The following PCDHA2 variants were observed in gnomAD, a reference collection of about 807,000 sequenced individuals.
PCDHA2 encodes protocadherin alpha 2, also known as protocadherin alpha-2.
In PCDHA2, 58 loss-of-function variants were observed where a neutral mutation model predicts 66.0. The observed-to-expected ratio is 0.88, with a 90% confidence interval of 0.71 to 1.09. The LOEUF is 1.09. Among genes scored for constraint, PCDHA2 ranks in the 50% least tolerant of loss-of-function variants. The pLI, the probability that PCDHA2 is intolerant of heterozygous loss-of-function variation, is 0.00. For missense variants in PCDHA2, 1,267 were observed against 1,242.3 expected (o/e 1.02, Z -0.30); for synonymous variants, 634 against 554.0 (o/e 1.14, Z -2.03).
At chr5:140,840,004 G>A (rs1554137669) in intron 1 of PCDHA2, among the ~76,000 whole-genome samples, 1 of 152,062 alleles carries the variant, frequency 6.6e-6, no homozygotes, top group Non-Finnish European at 1.5e-5. Flanking sequence ...TTAGCACTGA[G>A]AAGATTGGCT....
chr5:140,835,549 T>G (rs2150237980), intron 1 of PCDHA2: 1 of 1,613,976 alleles, frequency 6.2e-7, no homozygotes, highest in Non-Finnish European at 8.5e-7. Flanking sequence ...ACCTGCTCCC[T>G]GACGCCCCGC....
rs782465720 is a variant in PCDHA2 at position 140,796,648 on chromosome 5, G to A, written c.1684G>A (p.Ala562Thr). 2.5e-6 allele frequency: 4 copies of A among 1,613,822 alleles called. No homozygotes were observed. The highest frequency in any genetic ancestry group is 2.7e-5 in the African/African-American group (2 of 75,056). ...QVFVLDENDN[A>T]PALLAPRAGT... ...GTTCGTGCTGGACGAGAACGACAAC[G>A]CGCCGGCACTGTTGGCGCCTAGGGC... Residue 562 changes from alanine (A) to threonine (T), a missense_variant, in exon 1 of 4, where the codon GCG becomes ACG. Coordinates refer to ENST00000526136, the MANE Select transcript of PCDHA2 (RefSeq NM_018905.3).
chr5:140,802,566 C>G (rs1554122216), intron 1 of PCDHA2: 1 of 1,613,820 alleles, frequency 6.2e-7, no homozygotes, highest in Admixed American at 1.7e-5. Flanking sequence ...GGCATTCTCG[C>G]AGTCCGAGTA....
At chr5:140,877,549 C>T in intron 1 of PCDHA2, 1 of 1,613,788 alleles carries the variant, frequency 6.2e-7, no homozygotes, top group Non-Finnish European at 8.5e-7. Flanking sequence ...CGAAGCGGCT[C>T]TGGTGGATAT....
intron 3 of PCDHA2, among the ~76,000 whole-genome samples, chr5:140,985,544 G>T (rs1426303468): frequency 6.6e-6 from 1 of 152,108 alleles, no homozygotes; most frequent in Non-Finnish European, 1.5e-5. Flanking sequence ...TGAAGATGCA[G>T]TTGCTTCCAA....
Position 140,829,383 on chromosome 5 carries a change from G to C in PCDHA2, c.2388+32031G>C. On this transcript the variant is annotated intron_variant, in intron 1 of 3. Coordinates refer to ENST00000526136, the MANE Select transcript of PCDHA2 (RefSeq NM_018905.3). ...TTGGTGGTAACCGCGCGGGACGGGGGCTCGCCTTCGCTGTGGGCCACCGCC... is the reference window on the plus strand; with the variant it reads ...TTGGTGGTAACCGCGCGGGACGGGGCCTCGCCTTCGCTGTGGGCCACCGCC... 2 of 1,614,186 alleles carry C rather than the reference G, an allele frequency of 1.2e-6. No homozygotes were observed. The highest frequency in any genetic ancestry group is 1.7e-4 in the Middle Eastern group (1 of 6,044).
intron 1 of PCDHA2, chr5:140,805,232 T>G: frequency 2.2e-6 from 3 of 1,374,810 alleles, no homozygotes; most frequent in Non-Finnish European, 2.8e-6. Context: ...TTCTGCTGCA[T>G]TCCCCATCTG....
intron 1 of PCDHA2, chr5:140,858,650 T>A (rs1581517795): frequency 6.1e-6 from 5 of 822,646 alleles, no homozygotes; most frequent in Admixed American, 3.2e-5. Context: ...GGTACTTAAA[T>A]TTTTTTAAAT....
chr5:140,969,011 A>G lies in PCDHA2; in HGVS notation c.2389-9938A>G, dbSNP rs1554231347. On this transcript the variant is annotated intron_variant, in intron 1 of 3. Transcript: ENST00000526136. Reference sequence around the variant, plus strand: ...ATGCTGTGGAGGCTTCTGTGGAGTAAGGGAAAGGTCCCCTGCAGAACTGTA... The same window carrying G: ...ATGCTGTGGAGGCTTCTGTGGAGTAGGGGAAAGGTCCCCTGCAGAACTGTA... The G allele has an allele frequency of 2.5e-6, 4 of 1,614,084 alleles. No individual in the cohort carries two copies. In the South Asian group the frequency reaches 4.4e-5, roughly 18 times the overall value.
At chr5:140,841,345 G>A in intron 1 of PCDHA2, 2 of 1,612,666 alleles carry the variant, frequency 1.2e-6, no homozygotes, top group East Asian at 2.2e-5. Flanking sequence ...GGCGAGGAGA[G>A]CTGGGATCCT....
intron 1 of PCDHA2, among the ~76,000 whole-genome samples, chr5:140,918,094 T>C (rs1001602407): frequency 1.3e-5 from 2 of 152,188 alleles, no homozygotes; most frequent in East Asian, 1.9e-4. Context: ...ATTCTTTTTA[T>C]AGAGATCTTT....
intron 1 of PCDHA2, chr5:140,813,375 T>C (rs1765280179): frequency 1.3e-5 from 2 of 152,238 alleles, no homozygotes. Context: ...AGACCTAGGT[T>C]ACATGATCTA....
intron 1 of PCDHA2, chr5:140,969,583 AG>A: frequency 1.1e-6 from 1 of 914,068 alleles, no homozygotes; most frequent in South Asian, 1.9e-5. Context: ...AGTGAGGATT[AG>A]TCTTAATATT....
chr5:140,853,936 A>G, intron 1 of PCDHA2: 1 of 845,796 alleles, frequency 1.2e-6, no homozygotes, highest in Non-Finnish European at 1.5e-6. Context: ...TGGGAGGCCA[A>G]GGTGGGAGGG....
intron 1 of PCDHA2, chr5:140,807,638 C>G: frequency 6.2e-7 from 1 of 1,614,192 alleles, no homozygotes; most frequent in Non-Finnish European, 8.5e-7. Context: ...GCTTGACTCT[C>G]GGTTTCCACT....
chr5:140,941,506 G>T (rs556309408), intron 1 of PCDHA2, among the ~76,000 whole-genome samples: 1 of 151,236 alleles, frequency 6.6e-6, no homozygotes, highest in South Asian at 2.1e-4. Flanking sequence ...TAGTAGAGAC[G>T]AGGTTTCACC....
chr5:140,796,963 G>C lies in PCDHA2; in HGVS notation c.1999G>C (p.Val667Leu). Residue 667 changes from valine to leucine, a missense_variant, in exon 1 of 4, where the codon GTG (valine) becomes CTG (leucine). By Grantham distance (32) the Val-to-Leu change is conservative (BLOSUM62 1). Coordinates refer to ENST00000526136, the MANE Select transcript of PCDHA2 (RefSeq NM_018905.3). Reference sequence around the variant, plus strand: ...GTTGACAGCCACGGCCACCGTGTTAGTGTCGTTGGTGGAAAGTGGCCAGGC... The same window carrying C: ...GTTGACAGCCACGGCCACCGTGTTACTGTCGTTGGTGGAAAGTGGCCAGGC... ...PALTATATVL[V>L]SLVESGQAPK... 2.5e-6 allele frequency: 4 copies of C among 1,613,862 alleles called. No individual in the cohort carries two copies. Among genetic ancestry groups the C allele is most frequent in the Non-Finnish European group, 2.5e-6 (3 of 1,179,970 alleles).
At chr5:140,869,616 G>C (rs1554163306) in intron 1 of PCDHA2, 1 of 1,613,734 alleles carries the variant, frequency 6.2e-7, no homozygotes, top group Non-Finnish European at 8.5e-7. Context: ...TGACCTACAG[G>C]CTAAGTAAAA....
chr5:140,922,700 A>G (rs1447566146), intron 1 of PCDHA2, among the ~76,000 whole-genome samples: 1 of 152,256 alleles, frequency 6.6e-6, no homozygotes, highest in Non-Finnish European at 1.5e-5. Context: ...GCTTCCATAC[A>G]GTCAAGAACA....
Sources: gnomAD v4.1 joint callset for allele counts (sites outside exome capture counted in the v4.1 genomes callset) on GRCh38, gnomAD v4.1.1 for gene constraint, MANE v1.5 for transcripts, NCBI Gene and HGNC (gene_info 2026-07-23, HGNC 2026-07-21) for gene names.